The following PDE4B variants were observed in gnomAD, a reference collection of about 807,000 sequenced individuals.
The protein encoded by PDE4B is phosphodiesterase 4B.
A neutral mutation model predicts 82.2 loss-of-function variants in PDE4B; 20 were observed. That is an observed-to-expected ratio of 0.24 (90% CI 0.17 to 0.35). The LOEUF is 0.35. PDE4B is among the 10% of genes least tolerant of loss of function. The probability of loss-of-function intolerance (pLI) is 1.00; values close to 1 mark genes in which losing one functional copy is unlikely to be tolerated. For synonymous variants in PDE4B, 320 were observed against 318.9 expected (o/e 1.00, Z -0.04); for missense variants, 655 against 907.2 (o/e 0.72, Z 3.57).
intron 3 of PDE4B, among the ~76,000 whole-genome samples, chr1:66,052,994 G>A (rs575326033): frequency 1.3e-5 from 2 of 152,100 alleles, no homozygotes; most frequent in African/African-American, 4.8e-5. Flanking sequence ...GTTTTATAGT[G>A]TAGAAAAATG....
At position 66,316,265 on chromosome 1, in the gene PDE4B, G is replaced by A. The variant is rs1214147779; in HGVS notation, c.635-16243G>A. On this transcript the variant is annotated intron_variant, in intron 7 of 16. Coordinates refer to ENST00000341517, the MANE Select transcript of PDE4B (RefSeq NM_002600.4). ...TTCATTAAAAGATTAATATTCCCTT[G>A]TTTACTACTATTTCAAATAATACAA... Among the ~76,000 whole-genome samples, 3 of 152,080 alleles carry A rather than the reference G, an allele frequency of 2.0e-5. No individual in the cohort carries two copies. The East Asian group carries it at 5.8e-4, about 29-fold the overall frequency.
intron 4 of PDE4B, among the ~76,000 whole-genome samples, chr1:66,248,950 A>T (rs560828321): frequency 1.3e-5 from 2 of 152,286 alleles, no homozygotes; most frequent in South Asian, 4.1e-4. Context: ...AGATTGAGAA[A>T]CTTGCCCCTA....
intron 3 of PDE4B, among the ~76,000 whole-genome samples, chr1:66,065,066 T>G (rs1377442946): frequency 6.6e-6 from 1 of 151,956 alleles, no homozygotes. Context: ...CGTCAAACTT[T>G]TTCTTTCAAG....
intron 3 of PDE4B, among the ~76,000 whole-genome samples, chr1:66,069,097 G>C (rs891660636): frequency 6.6e-6 from 1 of 152,102 alleles, no homozygotes; most frequent in East Asian, 1.9e-4. Context: ...AGATAAGCCT[G>C]TTTCTGTTCG....
At chr1:66,164,517 CAGAG>C (rs1283767928) in intron 3 of PDE4B, among the ~76,000 whole-genome samples, 1 of 94,502 alleles carries the variant, frequency 1.1e-5, no homozygotes, top group Admixed American at 1.8e-4. Context: ...GCCTGGACAA[CAGAG>C]AGAGACTCCG....
rs139330007 is a variant in PDE4B, at chr1:65,816,190, AGT to A, written c.-71+22977_-71+22978del. Among the ~76,000 whole-genome samples the A allele has an allele frequency of 1.2e-3, 164 of 132,886 alleles. 2 individuals carry two copies. Among genetic ancestry groups the A allele is most frequent in the African/African-American group, 2.0e-3 (72 of 35,298 alleles). 87.2% of individuals were successfully genotyped at this position (132,886 alleles called of 152,430 possible). A position where few individuals can be genotyped will look rare whatever the true frequency, so the allele number is the denominator to read the frequency against. Reference sequence around the variant, plus strand: ...TTCTGTTTTTAGTGATTATTAATGCAGTGTGTGTGTGTGTGTGTGTGTGTGTG... The same window carrying A: ...TTCTGTTTTTAGTGATTATTAATGCAGTGTGTGTGTGTGTGTGTGTGTGTG... On this transcript the variant is annotated intron_variant, in intron 1 of 16. Transcript: ENST00000341517.
intron 3 of PDE4B, among the ~76,000 whole-genome samples, chr1:66,204,440 C>G (rs996614675): frequency 6.6e-6 from 1 of 152,240 alleles, no homozygotes; most frequent in Admixed American, 6.5e-5. Flanking sequence ...TGCCCTGCCC[C>G]CATAGGTGGA....
In PDE4B at chr1:65,979,013, C is replaced by T. The variant is rs1650552992; in HGVS notation, c.281+60178C>T. Among the ~76,000 whole-genome samples, 3 of 152,284 alleles carry T rather than the reference C, an allele frequency of 2.0e-5. No homozygotes were observed. The South Asian group carries it at 6.2e-4, about 32-fold the overall frequency. Reference sequence around the variant, plus strand: ...ATGTTTGCCTAGTTTTTACTATCATCATCATCATCCATCATCTTCATCTTT... The same window carrying T: ...ATGTTTGCCTAGTTTTTACTATCATTATCATCATCCATCATCTTCATCTTT... On this transcript the variant is annotated intron_variant, in intron 3 of 16. Transcript: ENST00000341517.
intron 1 of PDE4B, among the ~76,000 whole-genome samples, chr1:65,887,023 C>G (rs1177441428): frequency 6.6e-6 from 1 of 152,068 alleles, no homozygotes; most frequent in Non-Finnish European, 1.5e-5. Flanking sequence ...CACATTCTCA[C>G]CAGCATCTGC....
chr1:66,132,999 G>A (rs1223236805), intron 3 of PDE4B, among the ~76,000 whole-genome samples: 8 of 152,194 alleles, frequency 5.3e-5, no homozygotes, highest in Non-Finnish European at 5.9e-5. Context: ...GTGGCAGTGA[G>A]ATGCAAGAGT....
rs138315056 is a variant in PDE4B, at chr1:65,967,707, A to G, written c.281+48872A>G. On this transcript the variant is annotated intron_variant, in intron 3 of 16. Coordinates refer to ENST00000341517, the MANE Select transcript of PDE4B (RefSeq NM_002600.4). ...CGCAGCCATAAAAAAGGATGAGTTCATGTCCTTTGCAGGTACATGGATGAA... is the reference window on the plus strand; with the variant it reads ...CGCAGCCATAAAAAAGGATGAGTTCGTGTCCTTTGCAGGTACATGGATGAA... 3.0e-3 allele frequency among the ~76,000 whole-genome samples: 458 copies of G among 152,302 alleles called. 3 individuals are homozygous for G. The highest frequency in any genetic ancestry group is 0.01 in the African/African-American group (431 of 41,568).
At chr1:66,152,631 TATACACAC>T (rs536841444) in intron 3 of PDE4B, 931 of 26,470 alleles carry the variant, frequency 0.035, 15 homozygotes, top group African/African-American at 0.12. Context: ...TATATATGTG[TATACACAC>T]ACACACACAC....
chr1:66,272,215 T>C (rs1378888089), intron 7 of PDE4B, among the ~76,000 whole-genome samples: 2 of 152,216 alleles, frequency 1.3e-5, no homozygotes, highest in Non-Finnish European at 2.9e-5. Flanking sequence ...TGGGCATTCT[T>C]GACAGCTCTA....
chr1:66,214,505 A>G (rs529707086), intron 3 of PDE4B, among the ~76,000 whole-genome samples: 119 of 152,144 alleles, frequency 7.8e-4, no homozygotes, highest in Non-Finnish European at 1.5e-3. Context: ...CAATTCTATG[A>G]TACACATTGC....
intron 9 of PDE4B, among the ~76,000 whole-genome samples, chr1:66,358,568 G>T (rs896565220): frequency 1.3e-5 from 2 of 151,902 alleles, no homozygotes; most frequent in Admixed American, 6.6e-5. Flanking sequence ...CAGCTACTGG[G>T]GAGGCTGAGG....
At chr1:65,819,776 C>T (rs1249856358) in intron 1 of PDE4B, among the ~76,000 whole-genome samples, 1 of 151,988 alleles carries the variant, frequency 6.6e-6, no homozygotes, top group East Asian at 1.9e-4. Context: ...TGAGTCACCG[C>T]GCCTGGCATA....
chr1:66,096,188 C>T (rs1645110484), intron 3 of PDE4B, among the ~76,000 whole-genome samples: 1 of 151,652 alleles, frequency 6.6e-6, no homozygotes, highest in Admixed American at 6.6e-5. Context: ...CCCTTCCTAG[C>T]CTCTAGTATC....
intron 3 of PDE4B, among the ~76,000 whole-genome samples, chr1:66,164,515 AAC>A (rs1335409606): frequency 1.5e-5 from 2 of 137,462 alleles, no homozygotes; most frequent in East Asian, 4.5e-4. Flanking sequence ...CAGCCTGGAC[AAC>A]AGAGAGAGAC....
intron 3 of PDE4B, among the ~76,000 whole-genome samples, chr1:66,075,627 G>A (rs905629417): frequency 1.3e-5 from 2 of 151,848 alleles, no homozygotes; most frequent in African/African-American, 4.8e-5. Context: ...ATCTAGGAGG[G>A]GCTTTCTATA....
Sources: allele counts gnomAD v4.1 joint callset (sites outside exome capture counted in the v4.1 genomes callset), GRCh38; gene constraint gnomAD v4.1.1; transcripts MANE v1.5; gene names NCBI Gene and HGNC (gene_info 2026-07-23, HGNC 2026-07-21).